Variants in TBC1D2B observed in about 807,000 individuals in gnomAD.
TBC1D2B encodes TBC1 domain family member 2B, also known as TBC1 domain family, member 2B.
Under a neutral mutation model 100.8 loss-of-function variants are expected in TBC1D2B, and 64 were observed. The observed-to-expected ratio is 0.64, with a 90% CI of 0.52 to 0.78. The LOEUF is 0.78. Among genes scored for constraint, TBC1D2B ranks in the 30% least tolerant of loss-of-function variants. The probability of loss-of-function intolerance (pLI) is 0.00; values close to 1 mark genes in which losing one functional copy is unlikely to be tolerated. For missense variants in TBC1D2B, 1,052 were observed against 1,218.4 expected (o/e 0.86, Z 2.03); for synonymous variants, 480 against 479.7 (o/e 1.00, Z -0.01).
intron 5 of TBC1D2B, among the ~76,000 whole-genome samples, chr15:78,024,877 T>A (rs1451564371): frequency 1.3e-5 from 2 of 152,218 alleles, no homozygotes; most frequent in African/African-American, 4.8e-5. Context: ...TGTAATTAGA[T>A]CTGATTAGTT....
At chr15:78,018,097 G>GACA (rs2072423040) in intron 6 of TBC1D2B, 140 bp from the exon 7 acceptor site, 1 of 484,702 alleles carries the variant, frequency 2.1e-6, no homozygotes, top group African/African-American at 2.0e-5. Context: ...ACTAGAAGTT[G>GACA]TTAAAAGGCA....
intron 3 of TBC1D2B, among the ~76,000 whole-genome samples, chr15:78,044,282 A>G (rs777378894): frequency 2.6e-5 from 4 of 152,170 alleles, no homozygotes; most frequent in East Asian, 1.9e-4. Flanking sequence ...TGTGAATTGT[A>G]TATCAATAAA....
chr15:78,042,399 C>T (rs2073108960), intron 3 of TBC1D2B, among the ~76,000 whole-genome samples: 1 of 152,150 alleles, frequency 6.6e-6, no homozygotes, highest in Non-Finnish European at 1.5e-5. Flanking sequence ...GTGTTCAGCT[C>T]GGCCACACAC....
At chr15:78,051,706 A>C (rs1031005636) in intron 2 of TBC1D2B, among the ~76,000 whole-genome samples, 4 of 152,208 alleles carry the variant, frequency 2.6e-5, no homozygotes, top group African/African-American at 9.7e-5. Context: ...ATTCTTCTTT[A>C]ATTCTTACTA....
rs1263633733 is a variant in TBC1D2B at position 77,997,026 on chromosome 15, T to A, written c.*1134A>T. On this transcript the variant is annotated 3_prime_UTR_variant, in exon 13 of 13. Transcript: ENST00000300584. The stretch of plus-strand genomic sequence containing the variant: ...CCTGCATCCTGGCAGAGAACAAGGA[T>A]GTTCCAGGCAGTGGTGGGGTGGGCA... The A allele has an allele frequency of 6.6e-6, 1 of 150,970 alleles. No individual in the cohort carries two copies. The highest frequency in any genetic ancestry group is 1.5e-5 in the Non-Finnish European group (1 of 67,962). The allele number at this position is 150,970 out of a possible 1,614,324, so 9.4% of individuals were successfully genotyped here.
intron 10 of TBC1D2B, among the ~76,000 whole-genome samples, chr15:78,003,740 G>A (rs1286393139): frequency 6.6e-6 from 1 of 152,196 alleles, no homozygotes; most frequent in Non-Finnish European, 1.5e-5. Context: ...GAGTAGGGGA[G>A]TCTGTAACCT....
chr15:78,053,888 G>C lies in TBC1D2B; in HGVS notation c.514+146C>G, dbSNP rs559123190. 9.6e-6 allele frequency: 9 copies of C among 936,952 alleles called. No homozygotes were observed. The East Asian group carries it at 2.4e-4, about 25-fold the overall frequency. 58.0% of individuals were successfully genotyped at this position (936,952 alleles called of 1,614,324 possible). A position where few individuals can be genotyped will look rare whatever the true frequency, so the allele number is the denominator to read the frequency against. ...CATAAGCTTTGTACATGGAGGCGCT[G>C]GGTAACTGTGGAATGCTGTCCACTC... On this transcript the variant is annotated intron_variant, in intron 2 of 12. Coordinates refer to ENST00000300584, the MANE Select transcript of TBC1D2B (RefSeq NM_144572.2).
At chr15:78,007,016 G>C (rs2072085111) in intron 10 of TBC1D2B, among the ~76,000 whole-genome samples, 2 of 152,250 alleles carry the variant, frequency 1.3e-5, no homozygotes, top group Admixed American at 6.5e-5. Context: ...AACAGCAGCA[G>C]GGGCCCGTGC....
intron 1 of TBC1D2B, among the ~76,000 whole-genome samples, chr15:78,072,756 C>T (rs2073760420): frequency 6.6e-6 from 1 of 152,214 alleles, no homozygotes; most frequent in South Asian, 2.1e-4. Context: ...AAGCTTCACC[C>T]TCGGTCAGTC....
chr15:78,061,651 A>T (rs1596329177), intron 1 of TBC1D2B, among the ~76,000 whole-genome samples: 1 of 150,170 alleles, frequency 6.7e-6, no homozygotes, highest in East Asian at 1.9e-4. Context: ...GAAAAAAAAT[A>T]AGTGATGCCC....
At chr15:78,000,908 C>A (rs1447647208) in intron 12 of TBC1D2B, among the ~76,000 whole-genome samples, 1 of 152,230 alleles carries the variant, frequency 6.6e-6, no homozygotes, top group Non-Finnish European at 1.5e-5. Context: ...CACCACCTCT[C>A]CCCCTAGAGC....
At position 77,997,012 on chromosome 15, in the gene TBC1D2B, G is replaced by T. The variant is rs2071778868; in HGVS notation, c.*1148C>A. The T allele has an allele frequency of 6.6e-6, 1 of 151,688 alleles. No individual in the cohort carries two copies. The highest frequency in any genetic ancestry group is 2.4e-5 in the African/African-American group (1 of 40,978). The allele number at this position is 151,688 out of a possible 1,614,324, so 9.4% of individuals were successfully genotyped here. A position where few individuals can be genotyped will look rare whatever the true frequency, so the allele number is the denominator to read the frequency against. ...GAGGCAACAGTGCCCCTGCATCCTG[G>T]CAGAGAACAAGGATGTTCCAGGCAG... On this transcript the variant is annotated 3_prime_UTR_variant, in exon 13 of 13. Coordinates refer to ENST00000300584, the MANE Select transcript of TBC1D2B (RefSeq NM_144572.2).
chr15:78,066,046 T>C (rs2073649891), intron 1 of TBC1D2B: 1 of 470,888 alleles, frequency 2.1e-6, no homozygotes, highest in Admixed American at 2.3e-5. Flanking sequence ...GTGGTGGTGA[T>C]CATTGCAATT....
In TBC1D2B at chr15:78,025,253, A is replaced by C. The variant is rs773393259; in HGVS notation, c.1086+6T>G. ...GGGTAAGACAGAAGCCAGAAGAAGAAGTTACCTTCTGACTGGACAGGTCTT... is the reference window on the plus strand; with the variant it reads ...GGGTAAGACAGAAGCCAGAAGAAGACGTTACCTTCTGACTGGACAGGTCTT... On this transcript the variant is annotated splice_donor_region_variant and intron_variant, in intron 5 of 12. Coordinates refer to ENST00000300584, the MANE Select transcript of TBC1D2B (RefSeq NM_144572.2). The C allele has an allele frequency of 6.2e-7, 1 of 1,610,802 alleles. No homozygotes were observed. Among genetic ancestry groups the C allele is most frequent in the Non-Finnish European group, 8.5e-7 (1 of 1,177,676 alleles).
chr15:78,003,108 A>G (rs2071960110), intron 11 of TBC1D2B, 197 bp downstream of exon 11: 1 of 546,732 alleles, frequency 1.8e-6, no homozygotes, highest in East Asian at 2.9e-5. Context: ...TGTGGGTTGA[A>G]TGTTTCTGAT....
At chr15:78,025,786 G>A (rs891483969) in intron 4 of TBC1D2B, among the ~76,000 whole-genome samples, 4 of 151,960 alleles carry the variant, frequency 2.6e-5, no homozygotes, top group Non-Finnish European at 4.4e-5. Context: ...TCGGCCTCCC[G>A]AAGTGTTGGG....
At position 78,077,542 on chromosome 15, in the gene TBC1D2B, C is replaced by T. The variant is rs1365683605; in HGVS notation, c.111G>A (p.Leu37=). Reference sequence around the variant, plus strand: ...CCGACAGCTTCTGCAGATAGCCACACAGCCGCGCTGGCTCCCGCGCCGGAC... The same window carrying T: ...CCGACAGCTTCTGCAGATAGCCACATAGCCGCGCTGGCTCCCGCGCCGGAC... The part of the protein sequence containing the change: ...GAGPAREPAR[L]CGYLQKLSGK... The change falls in exon 1 of 13, where the codon CTG becomes CTA. Residue 37 remains leucine, a synonymous_variant. Coordinates refer to ENST00000300584, the MANE Select transcript of TBC1D2B (RefSeq NM_144572.2). 3 of 1,486,774 alleles carry T rather than the reference C, an allele frequency of 2.0e-6. No individual in the cohort carries two copies. Among genetic ancestry groups the T allele is most frequent in the South Asian group, 2.6e-5 (2 of 78,362 alleles). 92.1% of individuals were successfully genotyped at this position (1,486,774 alleles called of 1,614,324 possible).
chr15:78,011,388 A>T (rs911428219), intron 9 of TBC1D2B, among the ~76,000 whole-genome samples: 1 of 152,012 alleles, frequency 6.6e-6, no homozygotes, highest in African/African-American at 2.4e-5. Flanking sequence ...AAACGTCAGC[A>T]CTCAGAACTC....
chr15:78,048,614 G>C (rs1436735623), intron 2 of TBC1D2B, among the ~76,000 whole-genome samples: 2 of 152,200 alleles, frequency 1.3e-5, no homozygotes, highest in African/African-American at 4.8e-5. Flanking sequence ...CGACTGCATT[G>C]TTCCCATTTC....
Sources: allele counts gnomAD v4.1 joint callset (sites outside exome capture counted in the v4.1 genomes callset), GRCh38; gene constraint gnomAD v4.1.1; transcripts MANE v1.5; gene names NCBI Gene and HGNC (gene_info 2026-07-23, HGNC 2026-07-21).